RB1: variants seen among roughly 807,000 people sequenced by gnomAD.
The protein encoded by RB1 is retinoblastoma-associated protein.
In RB1, 18 loss-of-function variants were observed where a neutral mutation model predicts 135.4. The observed-to-expected ratio is 0.13, with a 90% CI of 0.09 to 0.20. The LOEUF is 0.20. RB1 is among the 10% of genes least tolerant of loss of function. RB1 has a pLI of 1.00. For synonymous variants in RB1, 365 were observed against 373.2 expected (o/e 0.98, Z 0.25); for missense variants, 868 against 1,110.0 (o/e 0.78, Z 3.10).
chr13:48,472,113 C>T (rs915709945), intron 23 of RB1, among the ~76,000 whole-genome samples: 4 of 152,096 alleles, frequency 2.6e-5, no homozygotes, highest in African/African-American at 7.2e-5. Flanking sequence ...TTGAAACTGA[C>T]TTTATTTGTG....
chr13:48,364,058 C>G (rs1274568944), intron 8 of RB1, among the ~76,000 whole-genome samples: 2 of 152,076 alleles, frequency 1.3e-5, no homozygotes, highest in Non-Finnish European at 2.9e-5. Context: ...AATGATTTAT[C>G]AAGATATATC....
chr13:48,315,966 G>A (rs940796554), intron 2 of RB1, among the ~76,000 whole-genome samples: 1 of 152,196 alleles, frequency 6.6e-6, no homozygotes, highest in African/African-American at 2.4e-5. Context: ...TCCACCAACA[G>A]TGTATAAGCA....
At chr13:48,438,636 T>C (rs1949206930) in intron 17 of RB1, among the ~76,000 whole-genome samples, 1 of 152,178 alleles carries the variant, frequency 6.6e-6, no homozygotes, top group South Asian at 2.1e-4. Context: ...TGGAACTGTG[T>C]CCTGGATCCA....
At chr13:48,336,027 C>T (rs1429858271) in intron 2 of RB1, among the ~76,000 whole-genome samples, 2 of 152,000 alleles carry the variant, frequency 1.3e-5, no homozygotes, top group Non-Finnish European at 2.9e-5. Context: ...AAAAAAGCTA[C>T]TGAAAAAAGT....
Position 48,464,981 on chromosome 13 carries a change from T to TTA in RB1, c.2212-16_2212-15dup. On this transcript the variant is annotated splice_polypyrimidine_tract_variant and intron_variant, in intron 21 of 26. Coordinates refer to ENST00000267163, the MANE Select transcript of RB1 (RefSeq NM_000321.3). ...TACTTTTTTTTTTTTTTTTTTTTTT[T>TTA]TACTGTTCTTCCTCAGACATTCAAA... The TTA allele has an allele frequency of 6.8e-7, 1 of 1,462,488 alleles. No individual in the cohort carries two copies. Among genetic ancestry groups the TTA allele is most frequent in the Non-Finnish European group, 9.2e-7 (1 of 1,091,420 alleles). 90.6% of individuals were successfully genotyped at this position (1,462,488 alleles called of 1,614,324 possible). A position where few individuals can be genotyped will look rare whatever the true frequency, so the allele number is the denominator to read the frequency against.
At chr13:48,323,191 C>T (rs949062890) in intron 2 of RB1, among the ~76,000 whole-genome samples, 8 of 151,972 alleles carry the variant, frequency 5.3e-5, no homozygotes, top group African/African-American at 1.9e-4. Flanking sequence ...CTAATTCAGT[C>T]ATTTTACTTG....
At chr13:48,450,464 A>G (rs1386105083) in intron 17 of RB1, among the ~76,000 whole-genome samples, 1 of 152,114 alleles carries the variant, frequency 6.6e-6, no homozygotes, top group Non-Finnish European at 1.5e-5. Context: ...CAAAGATCAG[A>G]TGGTTGTAGG....
At chr13:48,305,996 G>A (rs1482349662) in intron 1 of RB1, among the ~76,000 whole-genome samples, 1 of 152,240 alleles carries the variant, frequency 6.6e-6, no homozygotes, top group Non-Finnish European at 1.5e-5. Flanking sequence ...CGAGCTGGGT[G>A]TGATGGCGCG....
intron 11 of RB1, 146 bp from the exon 12 acceptor site, chr13:48,373,258 AC>A (rs1249622230): frequency 6.8e-6 from 4 of 586,974 alleles, no homozygotes; most frequent in Non-Finnish European, 9.2e-6. Context: ...TTTCTTATAA[AC>A]CACAGTCTTA....
At chr13:48,376,464 C>T (rs1952824954) in intron 12 of RB1, among the ~76,000 whole-genome samples, 1 of 146,410 alleles carries the variant, frequency 6.8e-6, no homozygotes, top group South Asian at 2.1e-4. Flanking sequence ...TGCGCCACTG[C>T]ACTCCAGCCT....
In RB1 at chr13:48,459,785, C is replaced by T. The variant is rs748484148; in HGVS notation, c.2058C>T (p.His686=). The change falls in exon 20 of 27, where the codon CAC becomes CAT. Residue 686 remains histidine (H), a synonymous_variant. Coordinates refer to ENST00000267163, the MANE Select transcript of RB1 (RefSeq NM_000321.3). ...LEHIIWTLFQ[H]TLQNEYELMR... is the part of the protein sequence containing the mutation. ...ATATCATCTGGACCCTTTTCCAGCA[C>T]ACCCTGCAGAATGAGTATGAACTCA... 2 of 1,613,928 alleles carry T rather than the reference C, an allele frequency of 1.2e-6. No individual in the cohort carries two copies. Among genetic ancestry groups the T allele is most frequent in the African/African-American group, 2.7e-5 (2 of 74,974 alleles).
intron 11 of RB1, among the ~76,000 whole-genome samples, chr13:48,370,800 A>C (rs1316117706): frequency 1.3e-5 from 2 of 152,120 alleles, no homozygotes; most frequent in Non-Finnish European, 2.9e-5. Flanking sequence ...CCTAACCTTC[A>C]GCTTCCCTCC....
Position 48,459,830 on chromosome 13 carries a change from C to T in RB1, c.2103C>T (p.Asp701=), listed in dbSNP as rs2138336527. 6.2e-7 allele frequency: 1 copy of T among 1,613,192 alleles called. No individual in the cohort carries two copies. The highest frequency in any genetic ancestry group is 1.1e-5 in the South Asian group (1 of 91,046). ...EYELMRDRHL[D]QIMMCSMYGI... ...AACTCATGAGAGACAGGCATTTGGACCAAGTAAGAAAATCAAGCACTTCAC... is the reference window on the plus strand; with the variant it reads ...AACTCATGAGAGACAGGCATTTGGATCAAGTAAGAAAATCAAGCACTTCAC... The change falls in exon 20 of 27, where the codon GAC becomes GAT. Residue 701 remains aspartate, a synonymous_variant. Transcript: ENST00000267163.
At chr13:48,436,673 C>T (rs1949187657) in intron 17 of RB1, among the ~76,000 whole-genome samples, 1 of 151,786 alleles carries the variant, frequency 6.6e-6, no homozygotes, top group South Asian at 2.1e-4. Flanking sequence ...GTGGCTCAGC[C>T]AGCATATGTA....
At chr13:48,381,114 A>T in intron 16 of RB1, 133 bp from the exon 17 acceptor site, 1 of 1,268,626 alleles carries the variant, frequency 7.9e-7, no homozygotes, top group Non-Finnish European at 1.1e-6. Flanking sequence ...AGACTCCAAA[A>T]TAAAAAATTC....
intron 23 of RB1, among the ~76,000 whole-genome samples, chr13:48,465,923 G>C (rs577847051): frequency 6.8e-6 from 1 of 147,736 alleles, no homozygotes; most frequent in African/African-American, 2.5e-5. Context: ...ACGGAATCTC[G>C]CTGATTGCTA....
At chr13:48,466,441 A>C (rs1414174327) in intron 23 of RB1, among the ~76,000 whole-genome samples, 92 of 140,742 alleles carry the variant, frequency 6.5e-4, no homozygotes, top group African/African-American at 2.3e-3. Flanking sequence ...AAGTAGATAA[A>C]ACCACAAAGA....
At chr13:48,384,442 C>CT (rs886174782) in intron 17 of RB1, among the ~76,000 whole-genome samples, 3 of 151,826 alleles carry the variant, frequency 2.0e-5, no homozygotes, top group Non-Finnish European at 4.4e-5. Flanking sequence ...TTTTCACAGA[C>CT]TTTTTTTTAA....
chr13:48,349,470 T>A (rs78802817), intron 6 of RB1, among the ~76,000 whole-genome samples: 3,615 of 151,970 alleles, frequency 0.024, 155 homozygotes, highest in African/African-American at 0.083. Context: ...TGTTATCAGT[T>A]GAAATAATGG....
Sources: gnomAD v4.1 joint callset for allele counts (sites outside exome capture counted in the v4.1 genomes callset) on GRCh38, gnomAD v4.1.1 for gene constraint, MANE v1.5 for transcripts, NCBI Gene and HGNC (gene_info 2026-07-23, HGNC 2026-07-21) for gene names.